CSMD1: variants seen among roughly 807,000 people sequenced by gnomAD.
CSMD1 encodes the protein CUB and sushi domain-containing protein 1.
In CSMD1, 213 loss-of-function variants were observed where a neutral mutation model predicts 417.5. The observed-to-expected ratio is 0.51, with a 90% CI of 0.46 to 0.57. The LOEUF (loss-of-function observed/expected upper bound fraction) is 0.57. Among genes scored for constraint, CSMD1 ranks in the 20% least tolerant of loss-of-function variants. The probability of loss-of-function intolerance (pLI) is 0.00; values close to 1 mark genes in which losing one functional copy is unlikely to be tolerated. For missense variants in CSMD1, 6,923 were observed against 4,529.7 expected, an observed-to-expected ratio of 1.53 and a Z score of -15.17; for synonymous variants, 2,862 against 1,736.8, an observed-to-expected ratio of 1.65 and a Z score of -16.11.
chr8:4,780,145 A>T (rs4875117), intron 1 of CSMD1, among the ~76,000 whole-genome samples: 2 of 152,042 alleles, frequency 1.3e-5, no homozygotes, highest in African/African-American at 4.8e-5. Flanking sequence ...CTTGTGCCAT[A>T]ATTGGCCAGA....
chr8:4,933,998 C>CTT (rs71515690), intron 1 of CSMD1, among the ~76,000 whole-genome samples: 23 of 151,206 alleles, frequency 1.5e-4, no homozygotes, highest in African/African-American at 3.9e-4. Context: ...TACGTTTATG[C>CTT]TTTTTTTTTA....
At chr8:4,294,870 G>T (rs1387729971) in intron 3 of CSMD1, among the ~76,000 whole-genome samples, 1 of 151,630 alleles carries the variant, frequency 6.6e-6, no homozygotes, top group African/African-American at 2.4e-5. Context: ...CTTTGTCTTT[G>T]CCCTTTTAGT....
intron 3 of CSMD1, among the ~76,000 whole-genome samples, chr8:4,410,073 C>G (rs903026723): frequency 6.6e-5 from 10 of 152,164 alleles, no homozygotes; most frequent in African/African-American, 2.4e-4. Flanking sequence ...CGTGGCCTCC[C>G]AAAGTGCTGG....
At chr8:4,104,212 T>C (rs1375972508) in intron 3 of CSMD1, among the ~76,000 whole-genome samples, 1 of 152,222 alleles carries the variant, frequency 6.6e-6, no homozygotes, top group African/African-American at 2.4e-5. Flanking sequence ...TGTGTGTGAA[T>C]GTACGTGAGT....
At chr8:4,008,956 G>C (rs1306086239) in intron 4 of CSMD1, among the ~76,000 whole-genome samples, 2 of 152,118 alleles carry the variant, frequency 1.3e-5, no homozygotes, top group Non-Finnish European at 2.9e-5. Context: ...CCATGCCAAA[G>C]AGTTAATGTT....
intron 7 of CSMD1, among the ~76,000 whole-genome samples, chr8:3,673,456 C>G (rs774092412): frequency 1.3e-4 from 20 of 152,174 alleles, no homozygotes; most frequent in Non-Finnish European, 2.8e-4. Context: ...GTGGCCCTGA[C>G]TTATGACAAG....
At chr8:3,079,556 G>A (rs922106691) in intron 49 of CSMD1, among the ~76,000 whole-genome samples, 7 of 152,182 alleles carry the variant, frequency 4.6e-5, no homozygotes, top group African/African-American at 1.7e-4. Flanking sequence ...ATGTTCATAA[G>A]TGAAGGATTT....
At chr8:3,863,540 A>G (rs973556041) in intron 5 of CSMD1, among the ~76,000 whole-genome samples, 13 of 152,126 alleles carry the variant, frequency 8.5e-5, no homozygotes, top group South Asian at 6.2e-4. Flanking sequence ...TTAGGAGGAC[A>G]CCAACATTCA....
chr8:3,264,164 A>T (rs1302810176), intron 26 of CSMD1, among the ~76,000 whole-genome samples: 1 of 152,186 alleles, frequency 6.6e-6, no homozygotes, highest in African/African-American at 2.4e-5. Context: ...AACAATAAAA[A>T]TCTGTATATT....
At chr8:3,818,235 G>A (rs1360705434) in intron 5 of CSMD1, among the ~76,000 whole-genome samples, 1 of 152,036 alleles carries the variant, frequency 6.6e-6, no homozygotes, top group Non-Finnish European at 1.5e-5. Context: ...CCAAGATGCA[G>A]CCCCTGGGTC....
intron 5 of CSMD1, among the ~76,000 whole-genome samples, chr8:3,920,374 T>C (rs1286544590): frequency 2.0e-5 from 3 of 151,860 alleles, no homozygotes; most frequent in Non-Finnish European, 4.4e-5. Flanking sequence ...TGTGTGTGTG[T>C]TTATGTGTGT....
At chr8:4,868,483 G>A (rs908849277) in intron 1 of CSMD1, among the ~76,000 whole-genome samples, 1 of 152,014 alleles carries the variant, frequency 6.6e-6, no homozygotes. Flanking sequence ...TGATCCGCCT[G>A]CCTCGGTCTC....
chr8:4,314,695 T>A (rs1798820281), intron 3 of CSMD1, among the ~76,000 whole-genome samples: 2 of 152,166 alleles, frequency 1.3e-5, no homozygotes, highest in Non-Finnish European at 2.9e-5. Context: ...GCCTTTCAAG[T>A]TTTTATGTGT....
At position 3,434,077 on chromosome 8, in the gene CSMD1, T is replaced by A. The variant is rs186666668; in HGVS notation, c.1562-24472A>T. Among the ~76,000 whole-genome samples the A allele has an allele frequency of 2.0e-4, 31 of 152,308 alleles. No individual in the cohort carries two copies. The East Asian group carries it at 5.6e-3, about 27-fold the overall frequency. ...CATTCTTTGATTATGAGACCTGAGGTCTTAGTAGCATCTGATGCTTTCCAG... is the reference window on the plus strand; with the variant it reads ...CATTCTTTGATTATGAGACCTGAGGACTTAGTAGCATCTGATGCTTTCCAG... On this transcript the variant is annotated intron_variant, in intron 12 of 69. Transcript: ENST00000635120.
intron 28 of CSMD1, among the ~76,000 whole-genome samples, chr8:3,220,198 A>G (rs1193614814): frequency 6.6e-6 from 1 of 151,726 alleles, no homozygotes; most frequent in Non-Finnish European, 1.5e-5. Flanking sequence ...GCGAATATTA[A>G]TAGCCCCTAC....
chr8:3,010,007 T>C (rs1020404543), intron 52 of CSMD1, among the ~76,000 whole-genome samples: 24 of 152,196 alleles, frequency 1.6e-4, no homozygotes, highest in African/African-American at 5.5e-4. Flanking sequence ...ATATACCCCA[T>C]TTCCACCTTC....
chr8:4,457,054 T>C (rs1180638531), intron 2 of CSMD1, among the ~76,000 whole-genome samples: 2 of 151,692 alleles, frequency 1.3e-5, no homozygotes, highest in Non-Finnish European at 2.9e-5. Flanking sequence ...TCTCAGAGAA[T>C]TAAGCCCCAT....
chr8:4,006,303 G>A (rs1469713336), intron 4 of CSMD1, among the ~76,000 whole-genome samples: 4 of 152,206 alleles, frequency 2.6e-5, no homozygotes, highest in African/African-American at 9.7e-5. Flanking sequence ...AAAGCATTTG[G>A]GAGGCTGAGA....
intron 62 of CSMD1, among the ~76,000 whole-genome samples, chr8:2,960,723 G>A (rs1803381527): frequency 6.6e-6 from 1 of 151,988 alleles, no homozygotes; most frequent in Middle Eastern, 3.4e-3. Flanking sequence ...TTTATCTCTA[G>A]AATTTAATAT....
Sources: allele counts gnomAD v4.1 joint callset (sites outside exome capture counted in the v4.1 genomes callset), GRCh38; gene constraint gnomAD v4.1.1; transcripts MANE v1.5; gene names NCBI Gene and HGNC (gene_info 2026-07-23, HGNC 2026-07-21).